Variants in PTRH1 observed in about 807,000 individuals in gnomAD.
PTRH1 encodes peptidyl-tRNA hydrolase 1 homolog.
Under a neutral mutation model 15.7 loss-of-function variants are expected in PTRH1, and 13 were observed. That is an observed-to-expected ratio of 0.83 (90% CI 0.54 to 1.31). PTRH1 has a LOEUF of 1.31. Among genes scored for constraint, PTRH1 ranks in the 40% most tolerant of loss-of-function variants. The pLI is 0.00. For missense variants in PTRH1, 319 were observed against 296.2 expected (o/e 1.08, Z -0.56); for synonymous variants, 139 against 136.7 (o/e 1.02, Z -0.12).
chr9:127,714,939 T>TTGGGGGG, intron 2 of PTRH1, 36 bp downstream of exon 2: 3 of 407,890 alleles, frequency 7.4e-6, no homozygotes, highest in Non-Finnish European at 1.4e-5. Flanking sequence ...CCCACCCCCT[T>TTGGGGGG]GGCCCGCCCG....
In PTRH1 at chr9:127,699,578, G is replaced by T. The variant is rs575927543; in HGVS notation, c.206-4437C>A. 2.0e-5 allele frequency among the ~76,000 whole-genome samples: 3 copies of T among 152,312 alleles called. No homozygotes were observed. In the South Asian group the frequency reaches 6.2e-4, roughly 32 times the overall value. On this transcript the variant is annotated intron_variant, in intron 1 of 2. Transcript: ENST00000335223. ...GTGAAGCGTTGGTCATTCTATCTGGGTGCTGGGTTAGGCAGTACGAATACT... is the reference window on the plus strand; with the variant it reads ...GTGAAGCGTTGGTCATTCTATCTGGTTGCTGGGTTAGGCAGTACGAATACT...
At chr9:127,702,687 G>T (rs958094371) in intron 1 of PTRH1, among the ~76,000 whole-genome samples, 9 of 151,988 alleles carry the variant, frequency 5.9e-5, no homozygotes, top group African/African-American at 2.2e-4. Context: ...GTTGTGACAT[G>T]CTTTGCCAAC....
At chr9:127,706,070 C>T (rs2131580872) in intron 1 of PTRH1, among the ~76,000 whole-genome samples, 1 of 152,368 alleles carries the variant, frequency 6.6e-6, no homozygotes, top group Middle Eastern at 3.4e-3. Context: ...TATCCCTGCA[C>T]AGGGAACTTT....
At chr9:127,712,919 G>C (rs772785644), downstream of PTRH1, 2 of 1,592,394 alleles carry the variant, frequency 1.3e-6, no homozygotes, top group Middle Eastern at 1.7e-4. Context: ...GCCACAGAGA[G>C]CAGGGCAAAG....
At position 127,715,307 on chromosome 9, in the gene PTRH1, G is replaced by A. The variant is rs772141483; in HGVS notation, c.97-113C>T. On this transcript the variant is annotated intron_variant, in intron 1 of 4. Coordinates refer to ENST00000543175, the MANE Select transcript of PTRH1 (RefSeq NM_001002913.3). The surrounding 1 kb of genome is among the most constrained non-coding windows in gnomAD (Gnocchi z 5.8). ...GGAAACGCAGAGCAACGCTGCAGTG[G>A]GGAAGGGGCGCGAAGAAGGGGCCCA... 21 of 1,336,318 alleles carry A rather than the reference G, an allele frequency of 1.6e-5. No individual in the cohort carries two copies. Among genetic ancestry groups the A allele is most frequent in the South Asian group, 1.1e-4 (9 of 79,920 alleles). The allele number at this position is 1,336,318 out of a possible 1,614,324, so 82.8% of individuals were successfully genotyped here.
At chr9:127,697,366 C>T (rs1381039203) in intron 1 of PTRH1, among the ~76,000 whole-genome samples, 1 of 152,166 alleles carries the variant, frequency 6.6e-6, no homozygotes, top group African/African-American at 2.4e-5. Context: ...GTTTGTAAAA[C>T]CAGCTGCTGC....
At chr9:127,710,604 G>C, downstream of PTRH1, 1 of 1,581,366 alleles carries the variant, frequency 6.3e-7, no homozygotes, top group Non-Finnish European at 8.6e-7. Flanking sequence ...CGGCCAGGGG[G>C]GAAGCTGGCA....
downstream of PTRH1, chr9:127,713,737 C>A (rs547276893): frequency 1.1e-5 from 11 of 988,948 alleles, no homozygotes; most frequent in Admixed American, 7.1e-5. Flanking sequence ...GAACTCCTGA[C>A]GTCAAGCAAT....
At chr9:127,703,019 C>T (rs1842615758) in intron 1 of PTRH1, among the ~76,000 whole-genome samples, 1 of 152,010 alleles carries the variant, frequency 6.6e-6, no homozygotes, top group African/African-American at 2.4e-5. Flanking sequence ...CTGCACACAG[C>T]TGAAAGTCAC....
At chr9:127,697,083 T>C (rs1842567429) in intron 1 of PTRH1, among the ~76,000 whole-genome samples, 1 of 152,202 alleles carries the variant, frequency 6.6e-6, no homozygotes, top group Non-Finnish European at 1.5e-5. Context: ...CATTACCTGT[T>C]ATAAAAGAAC....
downstream of PTRH1, among the ~76,000 whole-genome samples, chr9:127,709,859 G>C (rs948320425): frequency 6.6e-6 from 1 of 152,174 alleles, no homozygotes. The surrounding 1 kb of genome is among the most constrained non-coding windows in gnomAD (Gnocchi z 4.7). Context: ...CCCCCAACCA[G>C]TTTGTAGACA....
intron 3 of PTRH1, 41 bp from the exon 4 acceptor site, chr9:127,714,465 G>A: frequency 2.5e-6 from 4 of 1,611,990 alleles, no homozygotes; most frequent in Non-Finnish European, 3.4e-6. Context: ...CCTCCCTGGG[G>A]CAGTGTCCTT....
chr9:127,715,482 C>T lies in PTRH1; in HGVS notation c.96+62G>A. ...ATTTGGGGGCACTCGGCTCCCGGGA[C>T]ATAATGGCCGAACTGAAGCTAGGGA... On this transcript the variant is annotated intron_variant, in intron 1 of 4. Coordinates refer to ENST00000543175, the MANE Select transcript of PTRH1 (RefSeq NM_001002913.3). This position sits in a 1 kb window ranked among gnomAD's most constrained non-coding sequence, Gnocchi z 5.8. 6.2e-7 allele frequency: 1 copy of T among 1,609,236 alleles called. No individual in the cohort carries two copies. The highest frequency in any genetic ancestry group is 8.5e-7 in the Non-Finnish European group (1 of 1,177,586).
chr9:127,700,349 G>A (rs953419579), intron 1 of PTRH1, among the ~76,000 whole-genome samples: 14 of 152,076 alleles, frequency 9.2e-5, no homozygotes, highest in African/African-American at 3.1e-4. Context: ...CAAGCCTAGC[G>A]CCTCCATGAT....
At chr9:127,696,484 T>C (rs1243954286) in intron 1 of PTRH1, among the ~76,000 whole-genome samples, 2 of 152,236 alleles carry the variant, frequency 1.3e-5, no homozygotes, top group East Asian at 3.8e-4. Flanking sequence ...ACAAAGCAAC[T>C]TGGCTAGGGC....
chr9:127,714,926 A>ACCCCAC, intron 2 of PTRH1, 49 bp downstream of exon 2: 1 of 629,318 alleles, frequency 1.6e-6, no homozygotes, highest in African/African-American at 2.0e-5. Context: ...CCGCGCCCCA[A>ACCCCAC]CCCCCACCCC....
intron 2 of PTRH1, 34 bp downstream of exon 2, chr9:127,714,941 G>GGGGGGGGGCCC: frequency 2.2e-6 from 1 of 446,382 alleles, no homozygotes; most frequent in Non-Finnish European, 4.1e-6. Context: ...CACCCCCTTG[G>GGGGGGGGGCCC]CCCGCCCGCC....
At position 127,705,435 on chromosome 9, in the gene PTRH1, T is replaced by A. The variant is rs527899756; in HGVS notation, c.205+10000A>T. Among the ~76,000 whole-genome samples, 2 of 152,284 alleles carry A rather than the reference T, an allele frequency of 1.3e-5. No individual in the cohort carries two copies. The highest frequency in any genetic ancestry group is 6.5e-5 in the Admixed American group (1 of 15,294). On this transcript the variant is annotated intron_variant, in intron 1 of 2. Coordinates refer to the PTRH1 transcript ENST00000335223. This position sits in a 1 kb window ranked among gnomAD's most constrained non-coding sequence, Gnocchi z 4.7. ...CAGCGTCCCCTCCCTGCCTAGAAGT[T>A]CAGCTCGTCCCTCTTGCCACGTGGT...
At chr9:127,712,441 G>A (rs1269616132), downstream of PTRH1, 1 of 1,526,876 alleles carries the variant, frequency 6.5e-7, no homozygotes, top group Non-Finnish European at 8.8e-7. Flanking sequence ...CTCAGGATCA[G>A]AGGCCCCTCT....
Sources: allele counts gnomAD v4.1 joint callset (sites outside exome capture counted in the v4.1 genomes callset), GRCh38; gene constraint gnomAD v4.1.1; non-coding constraint Gnocchi (gnomAD v3.1); transcripts MANE v1.5; gene names NCBI Gene and HGNC (gene_info 2026-07-23, HGNC 2026-07-21).